B3GALNT2: variants seen among roughly 807,000 people sequenced by gnomAD.
B3GALNT2 encodes UDP-GalNAc:beta-1,3-N-acetylgalactosaminyltransferase 2.
In B3GALNT2, 53 loss-of-function variants were observed where a neutral mutation model predicts 61.1. That is an observed-to-expected ratio of 0.87 (90% CI 0.70 to 1.09). B3GALNT2 has a LOEUF of 1.09. Among genes scored for constraint, B3GALNT2 ranks in the 50% least tolerant of loss-of-function variants. The pLI is 0.00. For synonymous variants in B3GALNT2, 223 were observed against 237.4 expected, an observed-to-expected ratio of 0.94 and a Z score of 0.56; for missense variants, 544 against 623.0, an observed-to-expected ratio of 0.87 and a Z score of 1.35.
At chr1:235,488,972 C>T (rs1385694701) in intron 3 of B3GALNT2, among the ~76,000 whole-genome samples, 196 bp downstream of exon 3, 1 of 152,024 alleles carries the variant, frequency 6.6e-6, no homozygotes, top group Non-Finnish European at 1.5e-5. Context: ...ATCGCTTGAG[C>T]CCCGGAGTTT....
Position 235,449,201 on chromosome 1 carries a change from A to G in B3GALNT2, c.*1005T>C, listed in dbSNP as rs1250745235. On this transcript the variant is annotated 3_prime_UTR_variant, in exon 12 of 12. Transcript: ENST00000366600. Reference sequence around the variant, plus strand: ...AAATGTCCCTTAAACTTGGGGAGACATCCTCTACTATGTATAACAATATGC... The same window carrying G: ...AAATGTCCCTTAAACTTGGGGAGACGTCCTCTACTATGTATAACAATATGC... 2.0e-5 allele frequency: 5 copies of G among 245,958 alleles called. No individual in the cohort carries two copies. The highest frequency in any genetic ancestry group is 1.1e-4 in the African/African-American group (5 of 43,486). The allele number at this position is 245,958 out of a possible 1,614,324, so 15.2% of individuals were successfully genotyped here.
rs1368212423 is a variant in B3GALNT2 at position 235,450,013 on chromosome 1, A to C, written c.*193T>G. ...GATAAATAAAAACTTTTCTTATGCT[A>C]CAGTACAAGTTGATTTTTAAGGAAA... On this transcript the variant is annotated 3_prime_UTR_variant, in exon 12 of 12. Coordinates refer to ENST00000366600, the MANE Select transcript of B3GALNT2 (RefSeq NM_152490.5). 5.7e-6 allele frequency: 3 copies of C among 529,116 alleles called. No homozygotes were observed. The highest frequency in any genetic ancestry group is 9.6e-6 in the Non-Finnish European group (3 of 313,936). 32.8% of individuals were successfully genotyped at this position (529,116 alleles called of 1,614,324 possible). A position where few individuals can be genotyped will look rare whatever the true frequency, so the allele number is the denominator to read the frequency against.
chr1:235,461,498 T>G (rs1683426330), intron 7 of B3GALNT2, among the ~76,000 whole-genome samples: 1 of 146,362 alleles, frequency 6.8e-6, no homozygotes, highest in South Asian at 2.2e-4. Flanking sequence ...CAGGGGTAGA[T>G]GACCTCCTGT....
intron 1 of B3GALNT2, among the ~76,000 whole-genome samples, chr1:235,498,843 CAAAAAAAAAAAAAAAA>C (rs57291873): frequency 6.2e-5 from 4 of 64,088 alleles, no homozygotes; most frequent in South Asian, 1.0e-3. Flanking sequence ...GACTCCTTCT[CAAAAAAAAAAAAAAAA>C]AAAAAAAAAA....
At chr1:235,473,082 T>C (rs1311924824) in intron 5 of B3GALNT2, among the ~76,000 whole-genome samples, 1 of 151,868 alleles carries the variant, frequency 6.6e-6, no homozygotes, top group Non-Finnish European at 1.5e-5. Flanking sequence ...GCCTAGCTAA[T>C]TTTTGTATTT....
chr1:235,481,437 G>A (rs1684560740), intron 4 of B3GALNT2, among the ~76,000 whole-genome samples: 1 of 152,084 alleles, frequency 6.6e-6, no homozygotes, highest in Non-Finnish European at 1.5e-5. Flanking sequence ...TCGACCTCCT[G>A]GGCTCAAGTG....
chr1:235,476,963 T>G (rs1437976147), intron 5 of B3GALNT2, among the ~76,000 whole-genome samples: 1 of 150,808 alleles, frequency 6.6e-6, no homozygotes, highest in South Asian at 2.1e-4. Context: ...TGGTTGAGGC[T>G]GCGGTGAGCT....
intron 5 of B3GALNT2, among the ~76,000 whole-genome samples, chr1:235,474,968 TATATATATATATATA>T (rs1684181650): frequency 3.1e-4 from 9 of 28,840 alleles, no homozygotes; most frequent in African/African-American, 1.3e-3. Context: ...TATATATATA[TATATATATATATATA>T]TATATTTTTT....
At chr1:235,471,255 A>G (rs377456854) in intron 5 of B3GALNT2, among the ~76,000 whole-genome samples, 27 of 152,338 alleles carry the variant, frequency 1.8e-4, no homozygotes, top group East Asian at 1.5e-3. Flanking sequence ...TGTCACAGCC[A>G]TTCTTCCTCA....
chr1:235,444,955 C>T (rs1682145642), downstream of B3GALNT2, among the ~76,000 whole-genome samples: 1 of 152,240 alleles, frequency 6.6e-6, no homozygotes, highest in Non-Finnish European at 1.5e-5. Context: ...GTGACAGTGC[C>T]GCCTTACCCT....
intron 6 of B3GALNT2, among the ~76,000 whole-genome samples, chr1:235,470,416 C>T (rs1009225103): frequency 2.6e-5 from 4 of 151,876 alleles, no homozygotes; most frequent in South Asian, 2.1e-4. Flanking sequence ...CATGGTGAAA[C>T]CCCATCTCTA....
At chr1:235,496,530 G>A (rs536758183) in intron 1 of B3GALNT2, among the ~76,000 whole-genome samples, 1 of 151,286 alleles carries the variant, frequency 6.6e-6, no homozygotes, top group South Asian at 2.1e-4. Flanking sequence ...ACAACCCTAT[G>A]AGGTAGGTAC....
downstream of B3GALNT2, chr1:235,442,744 A>G: frequency 9.6e-7 from 1 of 1,046,484 alleles, no homozygotes; most frequent in East Asian, 2.6e-5. Context: ...AGACCTGCCA[A>G]TTTGCACTGA....
chr1:235,471,028 C>T (rs1683977887), intron 5 of B3GALNT2, 68 bp from the exon 6 acceptor site: 1 of 1,564,548 alleles, frequency 6.4e-7, no homozygotes, highest in East Asian at 2.3e-5. Context: ...AGTATGCTTT[C>T]AGGCAAGATT....
intron 1 of B3GALNT2, among the ~76,000 whole-genome samples, chr1:235,496,008 T>G (rs1685301810): frequency 6.6e-6 from 1 of 151,826 alleles, no homozygotes; most frequent in African/African-American, 2.4e-5. Flanking sequence ...AATAGATATA[T>G]TTCTTAAAAT....
At chr1:235,455,513 T>C (rs777782121) in intron 9 of B3GALNT2, 46 bp downstream of exon 9, 2 of 1,577,546 alleles carry the variant, frequency 1.3e-6, no homozygotes, top group Non-Finnish European at 1.7e-6. Context: ...TTAATTACAT[T>C]TGATCAGGTA....
intron 3 of B3GALNT2, among the ~76,000 whole-genome samples, chr1:235,487,929 C>T (rs1684879542): frequency 6.6e-6 from 1 of 152,184 alleles, no homozygotes; most frequent in African/African-American, 2.4e-5. Context: ...GCTGGAACTA[C>T]AGGCATGAGC....
chr1:235,474,263 A>T (rs1003977034), intron 5 of B3GALNT2, among the ~76,000 whole-genome samples: 1 of 152,214 alleles, frequency 6.6e-6, no homozygotes, highest in East Asian at 1.9e-4. Context: ...CCTTACTAAG[A>T]TCATAAAAAC....
downstream of B3GALNT2, among the ~76,000 whole-genome samples, chr1:235,446,853 T>A (rs1258161550): frequency 1.3e-5 from 2 of 151,992 alleles, no homozygotes; most frequent in Non-Finnish European, 1.5e-5. Flanking sequence ...CTTGGCTAAT[T>A]TTTTATTTTT....
Sources: gnomAD v4.1 joint callset for allele counts (sites outside exome capture counted in the v4.1 genomes callset) on GRCh38, gnomAD v4.1.1 for gene constraint, MANE v1.5 for transcripts, NCBI Gene and HGNC (gene_info 2026-07-23, HGNC 2026-07-21) for gene names.